ARMCX4: variants seen among roughly 807,000 people sequenced by gnomAD.
ARMCX4 encodes armadillo repeat-containing X-linked protein 4.
A neutral mutation model predicts 34.7 loss-of-function variants in ARMCX4; 3 were observed. The ratio of observed to expected loss-of-function variants is 0.09; its 90% CI spans 0.04 to 0.22. The LOEUF (loss-of-function observed/expected upper bound fraction) is 0.22. Among genes scored for constraint, ARMCX4 ranks in the 10% least tolerant of loss-of-function variants. The pLI, the probability that ARMCX4 is intolerant of heterozygous loss-of-function variation, is 1.00. For synonymous variants in ARMCX4, 513 were observed against 632.8 expected (o/e 0.81, Z 2.84); for missense variants, 1,448 against 1,720.8 (o/e 0.84, Z 2.81).
chrX:101,512,880 AG>A (rs1556016785), intron 11 of ARMCX4, among the ~76,000 whole-genome samples: 3 of 102,578 alleles, frequency 2.9e-5, no homozygotes, highest in African/African-American at 1.1e-4. Context: ...GTAGAGAGAG[AG>A]AGAGAGAGAA....
At chrX:101,528,795 C>T (rs1556021320) in intron 11 of ARMCX4, among the ~76,000 whole-genome samples, 4 of 110,774 alleles carry the variant, frequency 3.6e-5, no homozygotes. Context: ...AGGACCTCTT[C>T]AAGGAGAACG....
intron 7 of ARMCX4, among the ~76,000 whole-genome samples, chrX:101,504,107 C>T (rs1230528483): frequency 1.8e-5 from 2 of 111,395 alleles, no homozygotes; most frequent in Non-Finnish European, 3.8e-5. Flanking sequence ...AGATATGTGG[C>T]ATTATTTCTG....
chrX:101,475,503 G>A (rs1933147356), intron 4 of ARMCX4, among the ~76,000 whole-genome samples: 1 of 111,370 alleles, frequency 9.0e-6, no homozygotes, highest in South Asian at 3.8e-4. Context: ...GAACAAAAAA[G>A]CATGGTAAGC....
rs148131234 is a variant in ARMCX4, at chrX:101,495,482, C to G, written c.*20C>G. The G allele has an allele frequency of 9.2e-7, 1 of 1,087,945 alleles. No individual in the cohort carries two copies. The highest frequency in any genetic ancestry group is 1.2e-6 in the Non-Finnish European group (1 of 841,933). The allele number at this position is 1,087,945 out of a possible 1,213,427, so 89.7% of individuals were successfully genotyped here. A position where few individuals can be genotyped will look rare whatever the true frequency, so the allele number is the denominator to read the frequency against. On this transcript the variant is annotated 3_prime_UTR_variant, in exon 6 of 6. Coordinates refer to ENST00000423738, the MANE Select transcript of ARMCX4 (RefSeq NM_001256155.3). ...CTCTGATTGGCTGTATGTTCCCAAA[C>G]AAATTTGAGTAATATTTTGGTTTTG...
intron 11 of ARMCX4, among the ~76,000 whole-genome samples, chrX:101,526,933 G>A (rs905475116): frequency 1.8e-5 from 2 of 111,395 alleles, no homozygotes; most frequent in African/African-American, 6.5e-5. Flanking sequence ...TGAGACAGAA[G>A]GTTAAGAAGG....
chrX:101,489,925 C>T lies in ARMCX4; in HGVS notation c.1336C>T (p.Pro446Ser), dbSNP rs950134899. The T allele has an allele frequency of 8.7e-7, 1 of 1,155,738 alleles. No individual in the cohort carries two copies. Among genetic ancestry groups the T allele is most frequent in the Admixed American group, 2.6e-5 (1 of 38,769 alleles). ...GGCCAATTCCCAGGTTGAGGCCTTG[C>T]CTGATGCCAGGGATAAGAGCAGAGG... The part of the protein sequence containing the change: ...LRANSQVEAL[P>S]DARDKSRGNP... The change falls in exon 6 of 6, where the codon CCT (proline) becomes TCT (serine). Residue 446 changes from proline to serine, a missense_variant. Coordinates refer to ENST00000423738, the MANE Select transcript of ARMCX4 (RefSeq NM_001256155.3).
At chrX:101,467,980 A>G (rs932574408) in intron 4 of ARMCX4, among the ~76,000 whole-genome samples, 7 of 112,321 alleles carry the variant, frequency 6.2e-5, no homozygotes, top group African/African-American at 2.3e-4. Context: ...TGCTAAATTT[A>G]TAATTAATTT....
At chrX:101,500,807 TA>T (rs1179337431) in intron 7 of ARMCX4, among the ~76,000 whole-genome samples, 33 of 112,045 alleles carry the variant, frequency 2.9e-4, no homozygotes, top group African/African-American at 1.1e-3. Flanking sequence ...TCTGTCATAA[TA>T]TAGTCTGAAG....
In ARMCX4 at chrX:101,494,411, C is replaced by T; in HGVS notation, c.5822C>T (p.Ala1941Val). The T allele has an allele frequency of 8.7e-7, 1 of 1,155,580 alleles. No individual in the cohort carries two copies. The highest frequency in any genetic ancestry group is 3.2e-5 in the East Asian group (1 of 30,779). ...AGCATCAAGGATAAGTTTGAGGCTG[C>T]TGGTGGAGTTGATATAGGGTCTTGG... is the stretch of plus-strand genomic sequence containing the variant. ...NTSIKDKFEAAGGVDIGSWFC... is the reference protein window; with the variant it reads ...NTSIKDKFEAVGGVDIGSWFC... Residue 1941 changes from alanine to valine, a missense_variant, in exon 6 of 6, where the codon GCT becomes GTT. This residue lies in a region of ARMCX4 where 1,343 missense variants were observed against 1,540.7 expected (regional missense o/e 0.87). Transcript: ENST00000423738.
chrX:101,498,269 TGATGAAATTTTGGA>T (rs1224609213), downstream of ARMCX4: 3 of 305,900 alleles, frequency 9.8e-6, no homozygotes, highest in East Asian at 3.1e-4. Flanking sequence ...GCAAACACTG[TGATGAAATTTTGGA>T]GATGAATCAC....
chrX:101,478,615 CA>C (rs1569330643), intron 4 of ARMCX4, among the ~76,000 whole-genome samples: 1 of 111,176 alleles, frequency 9.0e-6, no homozygotes, highest in East Asian at 2.8e-4. Context: ...ATATAAGATA[CA>C]GGAAGCACAA....
chrX:101,468,623 T>G (rs1363447567), intron 4 of ARMCX4, among the ~76,000 whole-genome samples: 4 of 107,960 alleles, frequency 3.7e-5, no homozygotes, highest in Non-Finnish European at 5.8e-5. Context: ...TTTCTTTTCT[T>G]TTTTTTTTGA....
chrX:101,445,523 A>G (rs1412780443), intron 3 of ARMCX4, among the ~76,000 whole-genome samples: 1 of 112,310 alleles, frequency 8.9e-6, no homozygotes, highest in African/African-American at 3.2e-5. Flanking sequence ...AGAAGAAAAC[A>G]AGTCTTGAGG....
chrX:101,451,073 G>T (rs782712136), downstream of ARMCX4, among the ~76,000 whole-genome samples: 2 of 111,679 alleles, frequency 1.8e-5, no homozygotes, highest in Non-Finnish European at 3.8e-5. Context: ...CCTGGCTTGT[G>T]TCTCAATAGG....
intron 4 of ARMCX4, 65 bp from the exon 5 acceptor site, chrX:101,487,979 T>A (rs1202894013): frequency 1.7e-6 from 1 of 601,652 alleles, no homozygotes; most frequent in Non-Finnish European, 2.3e-6. Flanking sequence ...TACTCCCATC[T>A]GTCCCTCCAT....
rs782266151 is a variant in ARMCX4, at chrX:101,492,174, T to G, written c.3585T>G (p.Gly1195=). The G allele has an allele frequency of 8.7e-7, 1 of 1,145,276 alleles. No individual in the cohort carries two copies. 94.4% of individuals were successfully genotyped at this position (1,145,276 alleles called of 1,213,427 possible). A position where few individuals can be genotyped will look rare whatever the true frequency, so the allele number is the denominator to read the frequency against. ...EQASGGLWAG[G]QTSEGTWAGD... ...CCAGTGGAGGGCTCTGGGCTGGGGGTCAGACTAGTGAGGGGACCTGGGCTG... is the reference window on the plus strand; with the variant it reads ...CCAGTGGAGGGCTCTGGGCTGGGGGGCAGACTAGTGAGGGGACCTGGGCTG... The change falls in exon 6 of 6, where the codon GGT becomes GGG. Residue 1195 remains glycine, a synonymous_variant. Transcript: ENST00000423738.
intron 12 of ARMCX4, chrX:101,532,586 T>C (rs1216425757): frequency 9.0e-6 from 1 of 111,287 alleles, no homozygotes; most frequent in African/African-American, 3.3e-5. Flanking sequence ...AGTACTGCTT[T>C]GCCTAATAGT....
chrX:101,527,708 T>C (rs1346413665), intron 11 of ARMCX4, among the ~76,000 whole-genome samples: 3 of 111,672 alleles, frequency 2.7e-5, no homozygotes, highest in African/African-American at 6.5e-5. Context: ...AACACCTCTA[T>C]GCAAATAAAC....
chrX:101,460,563 C>T (rs1341836265), intron 4 of ARMCX4, among the ~76,000 whole-genome samples: 1 of 111,901 alleles, frequency 8.9e-6, no homozygotes, highest in Non-Finnish European at 1.9e-5. Context: ...CTGGAATCCA[C>T]CAGGGCTCTA....
Sources: gnomAD v4.1 joint callset for allele counts (sites outside exome capture counted in the v4.1 genomes callset) on GRCh38, gnomAD v4.1.1 for gene constraint, gnomAD v4.1.1 regional missense constraint, MANE v1.5 for transcripts, NCBI Gene and HGNC (gene_info 2026-07-23, HGNC 2026-07-21) for gene names.